Variants in PARN observed in about 807,000 individuals in gnomAD.
The protein encoded by PARN is poly(A)-specific ribonuclease PARN.
Under a neutral mutation model 102.8 loss-of-function variants are expected in PARN, and 71 were observed. That is an observed-to-expected ratio of 0.69 (90% CI 0.57 to 0.84). The LOEUF (loss-of-function observed/expected upper bound fraction) is 0.84, where lower values mean the gene tolerates loss of function less well. PARN is among the 40% of genes least tolerant of loss of function. PARN has a pLI of 0.00. For synonymous variants in PARN, 261 were observed against 252.9 expected (o/e 1.03, Z -0.30); for missense variants, 782 against 760.9 (o/e 1.03, Z -0.33).
intron 5 of PARN, among the ~76,000 whole-genome samples, chr16:14,620,521 A>G (rs1972232306): frequency 6.6e-6 from 1 of 152,252 alleles, no homozygotes. Context: ...TGGCCAAGTC[A>G]GAACATCAGC....
intron 12 of PARN, among the ~76,000 whole-genome samples, chr16:14,596,319 T>C (rs536789290): frequency 1.3e-5 from 2 of 151,578 alleles, no homozygotes; most frequent in African/African-American, 4.9e-5. Context: ...TGGCCAAAGG[T>C]GGTACAATTT....
intron 22 of PARN, among the ~76,000 whole-genome samples, chr16:14,468,878 A>AATAGATAGATAGATAGATAGATAG (rs59011829): frequency 7.2e-6 from 1 of 139,620 alleles, no homozygotes; most frequent in Non-Finnish European, 1.5e-5. Context: ...CCCATTACTA[A>AATAGATAGATAGATAGATAGATAG]ATAGATAGAT....
intron 21 of PARN, among the ~76,000 whole-genome samples, chr16:14,504,503 G>A (rs1413067904): frequency 6.6e-6 from 1 of 152,188 alleles, no homozygotes; most frequent in Non-Finnish European, 1.5e-5. Flanking sequence ...AGGTTGCAGT[G>A]AGCAGAGATT....
intron 18 of PARN, among the ~76,000 whole-genome samples, chr16:14,573,661 A>G (rs1449773560): frequency 1.3e-5 from 2 of 152,214 alleles, no homozygotes; most frequent in African/African-American, 4.8e-5. Context: ...TGTGGGAGGA[A>G]CGTGATGGAA....
At chr16:14,481,499 C>G (rs1485324024) in intron 22 of PARN, among the ~76,000 whole-genome samples, 1 of 152,140 alleles carries the variant, frequency 6.6e-6, no homozygotes, top group Non-Finnish European at 1.5e-5. Flanking sequence ...TGAAAACAGA[C>G]ACAAGGAAAT....
chr16:14,544,207 A>G (rs1966860304), intron 21 of PARN, among the ~76,000 whole-genome samples: 1 of 152,104 alleles, frequency 6.6e-6, no homozygotes, highest in Non-Finnish European at 1.5e-5. Flanking sequence ...AAAGAAAACC[A>G]AAACCAAGCT....
At chr16:14,544,975 T>C (rs1966871834) in intron 21 of PARN, among the ~76,000 whole-genome samples, 1 of 152,050 alleles carries the variant, frequency 6.6e-6, no homozygotes, top group Non-Finnish European at 1.5e-5. Flanking sequence ...TTGCTTGAGC[T>C]CAACAGTTCA....
In PARN at chr16:14,627,319, CA is replaced by C; in HGVS notation, c.194del (p.Leu65CysfsTer20). 1 of 1,589,744 alleles carries C rather than the reference CA, an allele frequency of 6.3e-7. No individual in the cohort carries two copies. Among genetic ancestry groups the C allele is most frequent in the Non-Finnish European group, 8.6e-7 (1 of 1,167,166 alleles). On this transcript the variant is annotated frameshift_variant, in exon 4 of 24. Transcript: ENST00000437198. LOFTEE classifies it high-confidence loss of function. Reference sequence around the variant, plus strand: ...AAGTGCAAAGGCCAAACTGAAATAGCAAAAAGTCCATGGAATGCTGGAAAAG... The same window carrying C: ...AAGTGCAAAGGCCAAACTGAAATAGCAAAAGTCCATGGAATGCTGGAAAAG... ...QKLKKHSMDF[L>X]LFQFGLCTFK...
intron 18 of PARN, among the ~76,000 whole-genome samples, chr16:14,572,677 A>C (rs1163393387): frequency 6.6e-6 from 1 of 152,218 alleles, no homozygotes; most frequent in Non-Finnish European, 1.5e-5. Context: ...ATTACGTACC[A>C]ATGTGACACA....
chr16:14,535,077 G>A (rs546565948), intron 21 of PARN, among the ~76,000 whole-genome samples: 18 of 152,104 alleles, frequency 1.2e-4, no homozygotes, highest in Non-Finnish European at 2.4e-4. Context: ...CAGGTGATCC[G>A]CTCGCCTCGG....
chr16:14,437,570 C>T (rs1960756926), intron 23 of PARN, among the ~76,000 whole-genome samples: 1 of 152,176 alleles, frequency 6.6e-6, no homozygotes, highest in South Asian at 2.1e-4. Flanking sequence ...AGCAACTGAG[C>T]TGGGACTGGA....
At chr16:14,477,548 C>T (rs923010176) in intron 22 of PARN, among the ~76,000 whole-genome samples, 15 of 150,962 alleles carry the variant, frequency 9.9e-5, no homozygotes, top group African/African-American at 3.7e-4. Context: ...GAGGCCAAGG[C>T]GGGTGGATCA....
At chr16:14,596,624 T>C (rs1186808162) in intron 12 of PARN, among the ~76,000 whole-genome samples, 4 of 151,828 alleles carry the variant, frequency 2.6e-5, no homozygotes, top group Non-Finnish European at 5.9e-5. Flanking sequence ...ATGCCTGTAG[T>C]CCCAGCTGCT....
At chr16:14,509,193 C>T (rs1965059700) in intron 21 of PARN, among the ~76,000 whole-genome samples, 2 of 151,972 alleles carry the variant, frequency 1.3e-5, no homozygotes, top group African/African-American at 4.8e-5. Flanking sequence ...TGAGAAGTTG[C>T]CTAAGAAAAG....
chr16:14,474,767 A>G (rs1962944097), intron 22 of PARN, among the ~76,000 whole-genome samples: 1 of 152,212 alleles, frequency 6.6e-6, no homozygotes, highest in Non-Finnish European at 1.5e-5. Flanking sequence ...ACTCTGCCCT[A>G]TGGCTTCTGT....
At chr16:14,516,098 G>A (rs1392147323) in intron 21 of PARN, among the ~76,000 whole-genome samples, 2 of 151,066 alleles carry the variant, frequency 1.3e-5, no homozygotes, top group Non-Finnish European at 1.5e-5. Context: ...GGCCAAATTA[G>A]AAAAAATACA....
At chr16:14,509,547 G>A (rs1303838879) in intron 21 of PARN, among the ~76,000 whole-genome samples, 1 of 152,080 alleles carries the variant, frequency 6.6e-6, no homozygotes, top group Admixed American at 6.5e-5. Flanking sequence ...CAAATTTTAA[G>A]CCCTAAACCC....
At chr16:14,543,329 A>C (rs2151691671) in intron 21 of PARN, among the ~76,000 whole-genome samples, 1 of 152,370 alleles carries the variant, frequency 6.6e-6, no homozygotes, top group East Asian at 1.9e-4. Flanking sequence ...GTAAATTCAC[A>C]AAGCTGAAGG....
intron 17 of PARN, 114 bp from the exon 18 acceptor site, chr16:14,581,057 T>G: frequency 8.2e-6 from 5 of 613,370 alleles, no homozygotes; most frequent in Non-Finnish European, 1.5e-5. Context: ...GTGAAAGGTA[T>G]TCTTTTTTTT....
Sources: allele counts gnomAD v4.1 joint callset (sites outside exome capture counted in the v4.1 genomes callset), GRCh38; gene constraint gnomAD v4.1.1; transcripts MANE v1.5; gene names NCBI Gene and HGNC (gene_info 2026-07-23, HGNC 2026-07-21).